The following SPIRE1 variants were observed in gnomAD, a reference collection of about 807,000 sequenced individuals.
SPIRE1 encodes the protein spire type actin nucleation factor 1.
In SPIRE1, 40 loss-of-function variants were observed where a neutral mutation model predicts 94.1. The ratio of observed to expected loss-of-function variants is 0.43; its 90% CI spans 0.33 to 0.55. The LOEUF (loss-of-function observed/expected upper bound fraction) is 0.55. SPIRE1 is among the 20% of genes least tolerant of loss of function. The pLI, the probability that SPIRE1 is intolerant of heterozygous loss-of-function variation, is 0.06. For synonymous variants in SPIRE1, 376 were observed against 371.7 expected, an observed-to-expected ratio of 1.01 and a Z score of -0.13; for missense variants, 838 against 975.2, an observed-to-expected ratio of 0.86 and a Z score of 1.87.
chr18:12,555,652 T>A (rs1429099708), intron 2 of SPIRE1, among the ~76,000 whole-genome samples: 1 of 152,128 alleles, frequency 6.6e-6, no homozygotes, highest in East Asian at 1.9e-4. Context: ...AAAAACTGGG[T>A]ATATAAGGAA....
intron 9 of SPIRE1, among the ~76,000 whole-genome samples, chr18:12,484,900 AAAATAAAT>A (rs879933001): frequency 1.3e-5 from 2 of 152,012 alleles, no homozygotes; most frequent in South Asian, 2.1e-4. Flanking sequence ...TCTATTTCCT[AAAATAAAT>A]AAATAAATAA....
chr18:12,537,265 C>T (rs1235648104), intron 3 of SPIRE1, among the ~76,000 whole-genome samples: 3 of 152,082 alleles, frequency 2.0e-5, no homozygotes, highest in Non-Finnish European at 4.4e-5. Flanking sequence ...CTTGCAATAC[C>T]GAATTGTCAT....
At chr18:12,495,600 T>C (rs1829043482) in intron 7 of SPIRE1, among the ~76,000 whole-genome samples, 2 of 152,218 alleles carry the variant, frequency 1.3e-5, no homozygotes, top group African/African-American at 4.8e-5. Context: ...AAGAATATAA[T>C]TTACAAGGCC....
chr18:12,528,664 T>C (rs2034594290), intron 4 of SPIRE1, among the ~76,000 whole-genome samples: 1 of 152,110 alleles, frequency 6.6e-6, no homozygotes. Context: ...CACCTACAAG[T>C]ATCAAGAAGT....
intron 2 of SPIRE1, among the ~76,000 whole-genome samples, chr18:12,549,474 A>T: frequency 1.3e-5 from 1 of 76,520 alleles, no homozygotes; most frequent in South Asian, 4.9e-4. Context: ...TTTTTTGGAG[A>T]CAGAGTCTTG....
At chr18:12,491,450 GAACA>G (rs2033229982) in intron 8 of SPIRE1, among the ~76,000 whole-genome samples, 1 of 151,842 alleles carries the variant, frequency 6.6e-6, no homozygotes, top group Non-Finnish European at 1.5e-5. Flanking sequence ...CAGTGGAACA[GAACA>G]AAGAGTCCAG....
intron 4 of SPIRE1, among the ~76,000 whole-genome samples, chr18:12,525,102 C>T (rs924785267): frequency 2.6e-5 from 4 of 151,400 alleles, no homozygotes; most frequent in African/African-American, 9.7e-5. Context: ...CGGTGAAACC[C>T]CGTCTCTACT....
intron 12 of SPIRE1, chr18:12,460,011 T>C (rs1265614974): frequency 1.5e-5 from 9 of 612,404 alleles, no homozygotes; most frequent in Middle Eastern, 8.0e-4. Context: ...GACCTACACA[T>C]AGTGATTACA....
chr18:12,545,165 T>C (rs2035126142), intron 3 of SPIRE1, among the ~76,000 whole-genome samples: 1 of 152,354 alleles, frequency 6.6e-6, no homozygotes, highest in Non-Finnish European at 1.5e-5. Flanking sequence ...TGTTTACATG[T>C]TTTTAAAAAA....
chr18:12,476,604 CACACATATAT>C (rs1469802866), intron 10 of SPIRE1, among the ~76,000 whole-genome samples: 77 of 132,652 alleles, frequency 5.8e-4, no homozygotes, highest in African/African-American at 1.8e-3. Context: ...CACACACACA[CACACATATAT>C]ACACACACAT....
chr18:12,555,964 T>A (rs2035492363), intron 2 of SPIRE1, among the ~76,000 whole-genome samples: 1 of 152,136 alleles, frequency 6.6e-6, no homozygotes, highest in African/African-American at 2.4e-5. Flanking sequence ...ATTGATAAAT[T>A]CAGTAAAGTT....
chr18:12,575,037 T>G (rs923058580), intron 2 of SPIRE1, among the ~76,000 whole-genome samples: 1 of 152,020 alleles, frequency 6.6e-6, no homozygotes, highest in African/African-American at 2.4e-5. Context: ...GAAAATTCAA[T>G]GAAGAAAAGG....
intron 4 of SPIRE1, among the ~76,000 whole-genome samples, chr18:12,533,618 C>G (rs79706675): frequency 0.12 from 18,602 of 151,994 alleles, 1,433 homozygotes; most frequent in East Asian, 0.32. Flanking sequence ...TCTAAGAATG[C>G]CAGTGTTGGA....
chr18:12,452,541 G>T (rs771387786), intron 14 of SPIRE1, 29 bp from the exon 15 acceptor site: 2 of 1,613,398 alleles, frequency 1.2e-6, no homozygotes, highest in South Asian at 1.1e-5. Context: ...ATGTTATTTG[G>T]CATGATACCA....
intron 12 of SPIRE1, among the ~76,000 whole-genome samples, chr18:12,458,089 C>T (rs565261194): frequency 1.5e-4 from 23 of 151,108 alleles, no homozygotes; most frequent in African/African-American, 5.6e-4. Flanking sequence ...CATGATCCAC[C>T]CGCCTCGGCC....
At chr18:12,461,553 A>G (rs2031845491) in intron 12 of SPIRE1, among the ~76,000 whole-genome samples, 2 of 145,806 alleles carry the variant, frequency 1.4e-5, no homozygotes, top group African/African-American at 2.7e-5. Context: ...GTATATACAT[A>G]CATGCGTGTA....
At chr18:12,601,219 G>C (rs1202113389) in intron 2 of SPIRE1, among the ~76,000 whole-genome samples, 3 of 150,768 alleles carry the variant, frequency 2.0e-5, no homozygotes, top group Non-Finnish European at 4.4e-5. Flanking sequence ...TTCGAGACCA[G>C]CCCAGCCAAC....
At chr18:12,618,223 TC>T (rs1314009947) in intron 2 of SPIRE1, among the ~76,000 whole-genome samples, 4 of 152,040 alleles carry the variant, frequency 2.6e-5, no homozygotes, top group Non-Finnish European at 5.9e-5. Context: ...TGCCTCAGCC[TC>T]CCGAGTAGCT....
At chr18:12,611,438 G>A (rs970296327) in intron 2 of SPIRE1, among the ~76,000 whole-genome samples, 1 of 152,216 alleles carries the variant, frequency 6.6e-6, no homozygotes, top group Non-Finnish European at 1.5e-5. Flanking sequence ...TATATAGTAA[G>A]TAAGAAACTG....
Sources: gnomAD v4.1 joint callset for allele counts (sites outside exome capture counted in the v4.1 genomes callset) on GRCh38, gnomAD v4.1.1 for gene constraint, MANE v1.5 for transcripts, NCBI Gene and HGNC (gene_info 2026-07-23, HGNC 2026-07-21) for gene names.